Variants in PPP1R14C observed in about 807,000 individuals in gnomAD.
PPP1R14C encodes the protein protein phosphatase 1 regulatory subunit 14C.
In PPP1R14C, 16 loss-of-function variants were observed where a neutral mutation model predicts 20.4. That is an observed-to-expected ratio of 0.78 (90% confidence interval 0.53 to 1.19). The LOEUF is 1.19. PPP1R14C is among the 50% of genes most tolerant of loss of function. PPP1R14C has a pLI of 0.00. For missense variants in PPP1R14C, 211 were observed against 220.1 expected (o/e 0.96, Z 0.26); for synonymous variants, 91 against 91.0 (o/e 1.00, Z 0.00).
intron 3 of PPP1R14C, among the ~76,000 whole-genome samples, chr6:150,221,300 G>A (rs769089759): frequency 2.0e-5 from 3 of 152,232 alleles, no homozygotes; most frequent in Non-Finnish European, 2.9e-5. Context: ...AGAGCAGTGA[G>A]CAAGAGAGTC....
intron 3 of PPP1R14C, among the ~76,000 whole-genome samples, chr6:150,229,853 C>T (rs935542370): frequency 9.9e-5 from 15 of 152,004 alleles, no homozygotes; most frequent in Admixed American, 7.2e-4. Flanking sequence ...ATGAACCTCT[C>T]GAAAGATAAA....
At position 150,201,019 on chromosome 6, in the gene PPP1R14C, G is replaced by T. The variant is rs1777870862; in HGVS notation, c.307-13725G>T. On this transcript the variant is annotated intron_variant, in intron 1 of 3. Coordinates refer to ENST00000361131, the MANE Select transcript of PPP1R14C (RefSeq NM_030949.3). The surrounding 1 kb of genome is among the most constrained non-coding windows in gnomAD (Gnocchi z 4.2). Reference sequence around the variant, plus strand: ...TCATTCCCCAGCCATGCTGCATCCTGAAAGGCACATAGCACAAGTTGTAGG... The same window carrying T: ...TCATTCCCCAGCCATGCTGCATCCTTAAAGGCACATAGCACAAGTTGTAGG... Among the ~76,000 whole-genome samples the T allele has an allele frequency of 6.6e-6, 1 of 152,180 alleles. No individual in the cohort carries two copies.
chr6:150,191,546 A>G (rs968073110), intron 1 of PPP1R14C, among the ~76,000 whole-genome samples: 2 of 152,228 alleles, frequency 1.3e-5, no homozygotes, highest in African/African-American at 4.8e-5. Context: ...GGCAAGGACC[A>G]TAACACCTGC....
chr6:150,247,550 T>C (rs1778507374), intron 3 of PPP1R14C, among the ~76,000 whole-genome samples: 2 of 152,246 alleles, frequency 1.3e-5, no homozygotes, highest in Non-Finnish European at 1.5e-5. Context: ...ACTTTGTAAA[T>C]GAAATTAGAG....
rs531213257 is a variant in PPP1R14C at position 150,147,166 on chromosome 6, T to C, written c.306+3668T>C. On this transcript the variant is annotated intron_variant, in intron 1 of 3. Transcript: ENST00000361131. ...TTAATCTCTTCCAAACCCTGGTGGG[T>C]TTTTTTTGTTTTGTTTTGTTTTTGT... Among the ~76,000 whole-genome samples the C allele has an allele frequency of 3.0e-3, 457 of 150,158 alleles. 3 individuals carry two copies. The highest frequency in any genetic ancestry group is 4.4e-3 in the Non-Finnish European group (298 of 67,622).
intron 3 of PPP1R14C, among the ~76,000 whole-genome samples, chr6:150,230,165 G>A (rs971235230): frequency 1.3e-5 from 2 of 152,134 alleles, no homozygotes; most frequent in African/African-American, 4.8e-5. Context: ...TTTCCAAGAG[G>A]CACACACCAC....
chr6:150,211,580 A>G (rs1778025138), intron 1 of PPP1R14C, among the ~76,000 whole-genome samples: 1 of 152,214 alleles, frequency 6.6e-6, no homozygotes, highest in Non-Finnish European at 1.5e-5. Flanking sequence ...ATACTGCTCT[A>G]AGATCAGCAT....
intron 1 of PPP1R14C, among the ~76,000 whole-genome samples, chr6:150,159,099 C>T (rs1252433489): frequency 6.6e-6 from 1 of 152,156 alleles, no homozygotes; most frequent in Non-Finnish European, 1.5e-5. Flanking sequence ...AAGATTGAAT[C>T]ACTCTTCAAC....
intron 1 of PPP1R14C, among the ~76,000 whole-genome samples, chr6:150,191,297 T>G (rs1382217204): frequency 6.6e-6 from 1 of 152,216 alleles, no homozygotes; most frequent in Non-Finnish European, 1.5e-5. Context: ...CTAACATTAT[T>G]TTGCACATCT....
chr6:150,184,690 C>T (rs1377117354), intron 1 of PPP1R14C, among the ~76,000 whole-genome samples: 1 of 152,176 alleles, frequency 6.6e-6, no homozygotes, highest in Non-Finnish European at 1.5e-5. Flanking sequence ...GGTCCTTACT[C>T]CCAGTCTGTC....
intron 3 of PPP1R14C, among the ~76,000 whole-genome samples, chr6:150,238,994 A>G (rs896109756): frequency 1.3e-5 from 2 of 152,124 alleles, no homozygotes; most frequent in Admixed American, 6.5e-5. Flanking sequence ...ATCCCCATAC[A>G]GAAACCACAT....
chr6:150,182,997 C>T (rs1226248573), intron 1 of PPP1R14C, among the ~76,000 whole-genome samples: 4 of 152,156 alleles, frequency 2.6e-5, no homozygotes, highest in African/African-American at 9.7e-5. Flanking sequence ...AGAAAAAGTG[C>T]AGTAAAAATA....
chr6:150,170,137 A>G (rs1375109275), intron 1 of PPP1R14C, among the ~76,000 whole-genome samples: 1 of 152,152 alleles, frequency 6.6e-6, no homozygotes, highest in Non-Finnish European at 1.5e-5. Context: ...CATAGATTTT[A>G]CCTTCTGATG....
In PPP1R14C at chr6:150,143,496, G is replaced by A. The variant is rs753528474; in HGVS notation, c.304G>A (p.Glu102Lys). 2.5e-6 allele frequency: 4 copies of A among 1,573,784 alleles called. No homozygotes were observed. Among genetic ancestry groups the A allele is most frequent in the East Asian group, 2.3e-5 (1 of 42,878 alleles). Residue 102 changes from glutamate to lysine, a missense_variant and splice_region_variant, in exon 1 of 4, where the codon GAG becomes AAG. Transcript: ENST00000361131. This position sits in a 1 kb window ranked among gnomAD's most constrained non-coding sequence, Gnocchi z 5.6. Reference protein sequence around the residue: ...VEQLGQLYGCEEEEMPEVEID... With the variant: ...VEQLGQLYGCKEEEMPEVEID... ...GCAGCTGGGTCAGCTCTACGGCTGC[G>A]AGGTACCTGGGCGCGGGGCTGGGAG... is the stretch of plus-strand genomic sequence containing the variant.
intron 3 of PPP1R14C, among the ~76,000 whole-genome samples, chr6:150,235,812 T>C (rs9480007): frequency 0.04 from 6,075 of 152,196 alleles, 392 homozygotes; most frequent in African/African-American, 0.14. Context: ...ATTGTCCCCT[T>C]GGGAAGAGGC....
intron 1 of PPP1R14C, among the ~76,000 whole-genome samples, chr6:150,206,351 T>G (rs1056120434): frequency 2.0e-5 from 3 of 152,214 alleles, no homozygotes; most frequent in Non-Finnish European, 4.4e-5. Context: ...GCAAATATTT[T>G]TGTCAATTGT....
At position 150,250,235 on chromosome 6, in the gene PPP1R14C, A is replaced by G. The variant is rs1026759440; in HGVS notation, c.*1415A>G. 6 of 152,544 alleles carry G rather than the reference A, an allele frequency of 3.9e-5. No individual in the cohort carries two copies. Among genetic ancestry groups the G allele is most frequent in the African/African-American group, 1.4e-4 (6 of 41,444 alleles). 9.4% of individuals were successfully genotyped at this position (152,544 alleles called of 1,614,324 possible). A position where few individuals can be genotyped will look rare whatever the true frequency, so the allele number is the denominator to read the frequency against. On this transcript the variant is annotated 3_prime_UTR_variant, in exon 4 of 4. Transcript: ENST00000361131. ...GTGCTCTGAACATATTTTATTTTTT[A>G]AAAAAACTATGTTTGTGAATTTTGC... is the stretch of plus-strand genomic sequence containing the variant.
chr6:150,230,025 A>G (rs985566782), intron 3 of PPP1R14C, among the ~76,000 whole-genome samples: 1 of 152,208 alleles, frequency 6.6e-6, no homozygotes, highest in Non-Finnish European at 1.5e-5. Context: ...TGAGCTCATC[A>G]GTACTGATTC....
At chr6:150,231,762 A>G (rs959650356) in intron 3 of PPP1R14C, among the ~76,000 whole-genome samples, 3 of 152,150 alleles carry the variant, frequency 2.0e-5, no homozygotes, top group Admixed American at 1.3e-4. Context: ...CAGCTTGTGT[A>G]TTTTGCCCAA....
Sources: allele counts gnomAD v4.1 joint callset (sites outside exome capture counted in the v4.1 genomes callset), GRCh38; gene constraint gnomAD v4.1.1; non-coding constraint Gnocchi (gnomAD v3.1); transcripts MANE v1.5; gene names NCBI Gene and HGNC (gene_info 2026-07-23, HGNC 2026-07-21).